The following TBC1D22A variants were observed in gnomAD, a reference collection of about 807,000 sequenced individuals.
TBC1D22A encodes putative GTPase activator.
A neutral mutation model predicts 60.2 loss-of-function variants in TBC1D22A; 38 were observed. The ratio of observed to expected loss-of-function variants is 0.63; its 90% CI spans 0.49 to 0.83. TBC1D22A has a LOEUF of 0.83. TBC1D22A is among the 40% of genes least tolerant of loss of function. The pLI is 0.00. For missense variants in TBC1D22A, 628 were observed against 701.0 expected (o/e 0.90, Z 1.18); for synonymous variants, 302 against 281.7 (o/e 1.07, Z -0.72).
At position 46,874,863 on chromosome 22, in the gene TBC1D22A, T is replaced by C. The variant is rs530343902; in HGVS notation, c.638-3790T>C. Among the ~76,000 whole-genome samples, 139 of 152,302 alleles carry C rather than the reference T, an allele frequency of 9.1e-4. 1 individual carries two copies. Among genetic ancestry groups the C allele is most frequent in the South Asian group, 6.2e-4 (3 of 4,830 alleles). On this transcript the variant is annotated intron_variant, in intron 4 of 12. Transcript: ENST00000337137. Reference sequence around the variant, plus strand: ...TGCTAGGATTACAGGCGTGAGCCACTGCACCTGGCCTTTTGAAAAGTGTCT... The same window carrying C: ...TGCTAGGATTACAGGCGTGAGCCACCGCACCTGGCCTTTTGAAAAGTGTCT...
At chr22:46,858,221 T>A (rs911927650) in intron 4 of TBC1D22A, among the ~76,000 whole-genome samples, 1 of 152,234 alleles carries the variant, frequency 6.6e-6, no homozygotes, top group African/African-American at 2.4e-5. Context: ...CCCGGATGGC[T>A]CTTAAGTTTG....
intron 8 of TBC1D22A, among the ~76,000 whole-genome samples, chr22:46,970,582 C>G (rs2148111976): frequency 6.6e-6 from 1 of 152,322 alleles, no homozygotes; most frequent in Non-Finnish European, 1.5e-5. Flanking sequence ...ATGGGGCTTC[C>G]CAGGTCGTGC....
At chr22:46,973,295 C>T (rs976877359) in intron 8 of TBC1D22A, among the ~76,000 whole-genome samples, 6 of 152,220 alleles carry the variant, frequency 3.9e-5, no homozygotes, top group Non-Finnish European at 7.3e-5. Flanking sequence ...GGCATAGCCA[C>T]GGCCCTGCCC....
chr22:46,916,660 G>A (rs73478595), intron 8 of TBC1D22A, among the ~76,000 whole-genome samples: 13,078 of 152,270 alleles, frequency 0.086, 1,055 homozygotes, highest in African/African-American at 0.21. Flanking sequence ...ATCAACCTTT[G>A]TTTGAGTGGC....
Position 46,987,933 on chromosome 22 carries a change from C to T in TBC1D22A, c.1126-9701C>T, listed in dbSNP as rs541723017. 5.3e-5 allele frequency among the ~76,000 whole-genome samples: 8 copies of T among 152,308 alleles called. No homozygotes were observed. The East Asian group carries it at 1.3e-3, about 26-fold the overall frequency. On this transcript the variant is annotated intron_variant, in intron 9 of 12. Coordinates refer to ENST00000337137, the MANE Select transcript of TBC1D22A (RefSeq NM_014346.5). ...CAAAACCCCGGTCAGTTCTCCCAAG[C>T]CCTGCCACTGCTTTATCAACTAGGC...
At chr22:47,091,389 G>A (rs1225062157) in intron 11 of TBC1D22A, among the ~76,000 whole-genome samples, 5 of 146,984 alleles carry the variant, frequency 3.4e-5, no homozygotes, top group African/African-American at 2.5e-5. Flanking sequence ...GATAGAGACA[G>A]GCACGAGAAG....
chr22:47,047,622 G>T (rs1358005876), intron 11 of TBC1D22A, among the ~76,000 whole-genome samples: 2 of 152,250 alleles, frequency 1.3e-5, no homozygotes, highest in Admixed American at 1.3e-4. Context: ...TACTGCCCCA[G>T]GTTGGCCCCA....
chr22:46,786,075 C>T (rs989464308), intron 1 of TBC1D22A, among the ~76,000 whole-genome samples: 9 of 152,244 alleles, frequency 5.9e-5, no homozygotes, highest in African/African-American at 2.2e-4. Context: ...AGCCACCTCT[C>T]ATCCTTGTCT....
intron 1 of TBC1D22A, among the ~76,000 whole-genome samples, chr22:46,780,941 T>G (rs921066500): frequency 5.3e-5 from 8 of 152,206 alleles, no homozygotes; most frequent in African/African-American, 1.9e-4. Context: ...ATTGTTTTTT[T>G]AAATTTAAGC....
At chr22:47,046,060 A>G (rs745404188) in intron 11 of TBC1D22A, among the ~76,000 whole-genome samples, 7 of 152,178 alleles carry the variant, frequency 4.6e-5, no homozygotes, top group Non-Finnish European at 7.4e-5. Context: ...AGACAGGTCC[A>G]GGGTCCCTCA....
At chr22:47,012,108 G>A (rs895926648) in intron 10 of TBC1D22A, among the ~76,000 whole-genome samples, 7 of 152,012 alleles carry the variant, frequency 4.6e-5, no homozygotes, top group Admixed American at 3.9e-4. Context: ...ATCGACCATC[G>A]TGCTGGGAGG....
intron 12 of TBC1D22A, among the ~76,000 whole-genome samples, chr22:47,158,147 G>T (rs1383553369): frequency 1.3e-5 from 2 of 152,196 alleles, no homozygotes; most frequent in African/African-American, 4.8e-5. Flanking sequence ...GCTCGTGTGG[G>T]TTCTGCACCC....
chr22:47,148,153 C>T (rs1387338545), intron 12 of TBC1D22A, among the ~76,000 whole-genome samples: 1 of 152,054 alleles, frequency 6.6e-6, no homozygotes, highest in Non-Finnish European at 1.5e-5. Flanking sequence ...TTTTAAAAAA[C>T]CAGCCCCGAG....
chr22:47,075,815 CAT>C (rs376235928), intron 11 of TBC1D22A, among the ~76,000 whole-genome samples: 3,140 of 151,886 alleles, frequency 0.021, 95 homozygotes, highest in African/African-American at 0.071. Flanking sequence ...CACACACACA[CAT>C]ATGGACACAG....
At chr22:46,861,308 A>G (rs565990818) in intron 4 of TBC1D22A, among the ~76,000 whole-genome samples, 1 of 152,336 alleles carries the variant, frequency 6.6e-6, no homozygotes, top group Admixed American at 6.5e-5. Context: ...AGTTTCTAGA[A>G]TAAAATGTGT....
chr22:47,120,846 T>G (rs1209361107), intron 12 of TBC1D22A, among the ~76,000 whole-genome samples: 2 of 152,208 alleles, frequency 1.3e-5, no homozygotes, highest in African/African-American at 2.4e-5. Flanking sequence ...TGCTAACAAG[T>G]TAACTTAATA....
At chr22:46,966,744 A>G (rs73890517) in intron 8 of TBC1D22A, among the ~76,000 whole-genome samples, 5,281 of 152,280 alleles carry the variant, frequency 0.035, 245 homozygotes, top group African/African-American at 0.11. Flanking sequence ...CTTTTTCCAC[A>G]TGGAATTTGG....
intron 4 of TBC1D22A, among the ~76,000 whole-genome samples, chr22:46,818,774 T>C (rs945522767): frequency 2.6e-5 from 4 of 152,204 alleles, no homozygotes; most frequent in African/African-American, 9.6e-5. Context: ...CTGTGAAGAA[T>C]GTCAATGGTA....
intron 8 of TBC1D22A, chr22:46,915,426 C>T (rs9626921): frequency 1.3e-5 from 6 of 456,596 alleles, no homozygotes; most frequent in African/African-American, 8.0e-5. Context: ...TCTGTGGTTT[C>T]GACACCTGAG....
Sources: gnomAD v4.1 joint callset for allele counts (sites outside exome capture counted in the v4.1 genomes callset) on GRCh38, gnomAD v4.1.1 for gene constraint, MANE v1.5 for transcripts, NCBI Gene and HGNC (gene_info 2026-07-23, HGNC 2026-07-21) for gene names.